ZFHX3: variants seen among roughly 807,000 people sequenced by gnomAD.
The protein encoded by ZFHX3 is zinc finger homeobox protein 3.
In ZFHX3, 42 loss-of-function variants were observed where a neutral mutation model predicts 279.1. That is an observed-to-expected ratio of 0.15 (90% CI 0.12 to 0.19). ZFHX3 has a LOEUF of 0.19. ZFHX3 is among the 10% of genes least tolerant of loss of function. The pLI, the probability that ZFHX3 is intolerant of heterozygous loss-of-function variation, is 1.00. For synonymous variants in ZFHX3, 2,293 were observed against 1,957.8 expected (o/e 1.17, Z -4.52); for missense variants, 4,981 against 4,754.0 (o/e 1.05, Z -1.40).
chr16:72,852,439 T>A (rs1009706315), intron 4 of ZFHX3, among the ~76,000 whole-genome samples: 5 of 152,172 alleles, frequency 3.3e-5, no homozygotes, highest in African/African-American at 4.8e-5. Context: ...AACTGAAACT[T>A]TCCAGGAAGA....
chr16:72,846,016 A>T (rs1411440641), intron 4 of ZFHX3, among the ~76,000 whole-genome samples: 1 of 152,126 alleles, frequency 6.6e-6, no homozygotes, highest in Non-Finnish European at 1.5e-5. Context: ...CTGTCTGTCC[A>T]TCCATCCGCC....
At chr16:73,567,277 T>A (rs960630700) in intron 2 of ZFHX3, among the ~76,000 whole-genome samples, 1 of 151,642 alleles carries the variant, frequency 6.6e-6, no homozygotes, top group Non-Finnish European at 1.5e-5. Flanking sequence ...AGGCCGTATA[T>A]CCAAATAAGA....
chr16:73,875,302 T>C (rs1054568117), intron 1 of ZFHX3, among the ~76,000 whole-genome samples: 1 of 152,138 alleles, frequency 6.6e-6, no homozygotes, highest in African/African-American at 2.4e-5. Context: ...TGATTTCCCA[T>C]AGTGTATGGA....
intron 7 of ZFHX3, among the ~76,000 whole-genome samples, chr16:73,118,753 G>T (rs895972057): frequency 2.6e-5 from 4 of 152,200 alleles, no homozygotes; most frequent in African/African-American, 9.6e-5. Context: ...ATGGGTATGG[G>T]TATTTGTAAG....
intron 2 of ZFHX3, among the ~76,000 whole-genome samples, chr16:73,647,960 A>C (rs1419080670): frequency 2.0e-5 from 3 of 151,806 alleles, no homozygotes; most frequent in Non-Finnish European, 4.4e-5. Flanking sequence ...ATGCATAAAC[A>C]AAAAAAAATT....
chr16:73,185,587 G>C (rs12934081), intron 5 of ZFHX3, among the ~76,000 whole-genome samples: 1 of 152,198 alleles, frequency 6.6e-6, no homozygotes, highest in African/African-American at 2.4e-5. Context: ...GAGACTCAGA[G>C]GTTGGGGCTG....
chr16:72,957,261 T>G (rs1202646786), intron 2 of ZFHX3, among the ~76,000 whole-genome samples, 166 bp downstream of exon 2: 1 of 152,220 alleles, frequency 6.6e-6, no homozygotes, highest in Admixed American at 6.5e-5. Flanking sequence ...ACACACACAG[T>G]TCAAGGGATT....
chr16:73,569,071 G>A (rs920564880), intron 2 of ZFHX3, among the ~76,000 whole-genome samples: 1 of 152,194 alleles, frequency 6.6e-6, no homozygotes, highest in Non-Finnish European at 1.5e-5. Flanking sequence ...TAATGTGGAA[G>A]GGGAATAGAG....
chr16:73,328,254 T>C (rs1208836648), intron 3 of ZFHX3, among the ~76,000 whole-genome samples: 1 of 151,910 alleles, frequency 6.6e-6, no homozygotes, highest in Non-Finnish European at 1.5e-5. Context: ...ACTGGGGAGG[T>C]GGTGGTTGCA....
intron 1 of ZFHX3, among the ~76,000 whole-genome samples, chr16:73,784,981 T>G (rs754269126): frequency 1.3e-5 from 2 of 151,916 alleles, no homozygotes; most frequent in Admixed American, 6.6e-5. Flanking sequence ...GGTATTTGCC[T>G]CCATGTTTCT....
At chr16:72,888,243 G>A (rs771996082) in intron 4 of ZFHX3, among the ~76,000 whole-genome samples, 9 of 152,194 alleles carry the variant, frequency 5.9e-5, no homozygotes, top group Middle Eastern at 3.2e-3. Context: ...GGTTAAAACT[G>A]CACACATCCA....
At position 73,682,982 on chromosome 16, in the gene ZFHX3, GA is replaced by G. The variant is rs200338142; in HGVS notation, c.-1607-2743del. Among the ~76,000 whole-genome samples, 3 of 28,590 alleles carry G rather than the reference GA, an allele frequency of 1.0e-4. 1 individual carries two copies. Among genetic ancestry groups the G allele is most frequent in the South Asian group, 3.0e-3 (2 of 664 alleles). The allele number at this position is 28,590 out of a possible 152,430, so 18.8% of individuals were successfully genotyped here. On this transcript the variant is annotated intron_variant, in intron 1 of 17. Coordinates refer to the ZFHX3 transcript ENST00000641206. Reference sequence around the variant, plus strand: ...AGAAAGAAAGAAAGAAAGAAAGAAAGAAAGAAAGAAAAGAAAGAAAGAAAGA... The same window carrying G: ...AGAAAGAAAGAAAGAAAGAAAGAAAGAAGAAAGAAAAGAAAGAAAGAAAGA...
At chr16:73,556,306 CG>C (rs2020281533) in intron 2 of ZFHX3, among the ~76,000 whole-genome samples, 4 of 151,746 alleles carry the variant, frequency 2.6e-5, no homozygotes, top group Admixed American at 1.3e-4. Context: ...AAGGAGAGAA[CG>C]AAAGGAGTGG....
chr16:73,743,901 C>T (rs1271831232), intron 1 of ZFHX3, among the ~76,000 whole-genome samples: 1 of 152,142 alleles, frequency 6.6e-6, no homozygotes, highest in Non-Finnish European at 1.5e-5. Context: ...AATGTGAATA[C>T]AGCCTGGACA....
intron 1 of ZFHX3, among the ~76,000 whole-genome samples, chr16:73,823,636 TCTAGGGCTGCTTTGGCGCTA>T (rs147569943): frequency 0.014 from 2,070 of 152,260 alleles, 44 homozygotes; most frequent in African/African-American, 0.047. Flanking sequence ...TTACGCATTG[TCTAGGGCTGCTTTGGCGCTA>T]CAATGGCAGA....
At chr16:73,186,378 C>T (rs375980303) in intron 5 of ZFHX3, among the ~76,000 whole-genome samples, 2 of 151,970 alleles carry the variant, frequency 1.3e-5, no homozygotes, top group African/African-American at 2.4e-5. Context: ...GAATAGAACC[C>T]CCCTCACCTA....
upstream of ZFHX3, among the ~76,000 whole-genome samples, chr16:73,051,319 T>C (rs982391827): frequency 4.6e-5 from 7 of 152,232 alleles, no homozygotes; most frequent in African/African-American, 1.4e-4. Flanking sequence ...TGGAGCTGAA[T>C]TGGCCTGAGT....
At chr16:73,189,107 C>A (rs142117651) in intron 5 of ZFHX3, among the ~76,000 whole-genome samples, 1 of 152,216 alleles carries the variant, frequency 6.6e-6, no homozygotes, top group Admixed American at 6.5e-5. Context: ...TGTGATCCAC[C>A]CAGTTCAGCC....
intron 1 of ZFHX3, among the ~76,000 whole-genome samples, chr16:73,760,981 A>G (rs993934065): frequency 2.2e-4 from 30 of 135,470 alleles, no homozygotes; most frequent in South Asian, 7.8e-4. Flanking sequence ...GGCCAGGGCA[A>G]TCAGGCAAGA....
Sources: gnomAD v4.1 joint callset for allele counts (sites outside exome capture counted in the v4.1 genomes callset) on GRCh38, gnomAD v4.1.1 for gene constraint, MANE v1.5 for transcripts, NCBI Gene and HGNC (gene_info 2026-07-23, HGNC 2026-07-21) for gene names.